Variants in KCTD16 observed in about 807,000 individuals in gnomAD.
The protein encoded by KCTD16 is potassium channel tetramerization domain containing 16.
KCTD16 carries 13 observed loss-of-function variants against 33.2 expected under a neutral mutation model. The ratio of observed to expected loss-of-function variants is 0.39; its 90% CI spans 0.25 to 0.62. KCTD16 has a LOEUF of 0.62. Among genes scored for constraint, KCTD16 ranks in the 20% least tolerant of loss-of-function variants. The pLI, the probability that KCTD16 is intolerant of heterozygous loss-of-function variation, is 0.50. For synonymous variants in KCTD16, 197 were observed against 195.3 expected (o/e 1.01, Z -0.07); for missense variants, 441 against 525.1 (o/e 0.84, Z 1.57).
chr5:144,418,552 C>A (rs4296827), intron 3 of KCTD16, among the ~76,000 whole-genome samples: 1 of 152,170 alleles, frequency 6.6e-6, no homozygotes, highest in East Asian at 1.9e-4. Context: ...AGAAGCCTAG[C>A]TGGCTTCACC....
At chr5:144,422,159 G>T (rs1753226755) in intron 3 of KCTD16, among the ~76,000 whole-genome samples, 1 of 152,152 alleles carries the variant, frequency 6.6e-6, no homozygotes, top group African/African-American at 2.4e-5. Context: ...TAAACTCTGG[G>T]CTGCTTAGTA....
chr5:144,415,343 T>C (rs1437215429), intron 3 of KCTD16, among the ~76,000 whole-genome samples: 1 of 152,078 alleles, frequency 6.6e-6, no homozygotes, highest in African/African-American at 2.4e-5. Flanking sequence ...TGGGAACACA[T>C]TTGAACCATA....
intron 3 of KCTD16, among the ~76,000 whole-genome samples, chr5:144,220,004 T>C (rs1753693755): frequency 6.6e-6 from 1 of 152,158 alleles, no homozygotes; most frequent in Admixed American, 6.5e-5. Flanking sequence ...AAAAAACATA[T>C]CACAACTCAC....
intron 3 of KCTD16, 22 bp downstream of exon 3, chr5:144,207,568 A>G (rs1292154001): frequency 6.5e-7 from 1 of 1,540,362 alleles, no homozygotes; most frequent in South Asian, 1.1e-5. Context: ...GGGTTGTTTT[A>G]ATTTTTTATG....
intron 3 of KCTD16, among the ~76,000 whole-genome samples, chr5:144,283,362 C>T (rs1300921510): frequency 6.6e-6 from 1 of 152,090 alleles, no homozygotes; most frequent in East Asian, 1.9e-4. Flanking sequence ...ACAGTTTTAG[C>T]CATAATCAGT....
chr5:144,222,842 C>T lies in KCTD16; in HGVS notation c.832+15296C>T, dbSNP rs141250282. Among the ~76,000 whole-genome samples the T allele has an allele frequency of 2.1e-4, 32 of 152,272 alleles. No homozygotes were observed. In the East Asian group the frequency reaches 4.6e-3, roughly 22 times the overall value. ...ATGCTGCTATAAAGACACATGCACA[C>T]GTATGTTTACTGCGGCGCTGTTCAC... On this transcript the variant is annotated intron_variant, in intron 3 of 3. Transcript: ENST00000512467.
chr5:144,275,986 G>C (rs1478356412), intron 3 of KCTD16, among the ~76,000 whole-genome samples: 1 of 152,144 alleles, frequency 6.6e-6, no homozygotes, highest in Non-Finnish European at 1.5e-5. Flanking sequence ...ACTTTTCAAA[G>C]TGGCCCCAGG....
At chr5:144,398,308 T>A (rs1752624829) in intron 3 of KCTD16, among the ~76,000 whole-genome samples, 1 of 152,172 alleles carries the variant, frequency 6.6e-6, no homozygotes, top group Admixed American at 6.5e-5. Context: ...TGGTAACATG[T>A]CAGGTAGTAA....
chr5:144,349,954 C>T (rs1253273843), intron 3 of KCTD16, among the ~76,000 whole-genome samples: 1 of 152,200 alleles, frequency 6.6e-6, no homozygotes, highest in Non-Finnish European at 1.5e-5. Context: ...GCAGCTTTAT[C>T]CTCTTGATGA....
At chr5:144,265,224 A>G (rs1235810478) in intron 3 of KCTD16, among the ~76,000 whole-genome samples, 4 of 152,198 alleles carry the variant, frequency 2.6e-5, no homozygotes, top group Admixed American at 2.6e-4. Context: ...ACAGAAGGAC[A>G]TTAGCATGGT....
chr5:144,338,292 T>C (rs1229445426), intron 3 of KCTD16, among the ~76,000 whole-genome samples: 1 of 152,162 alleles, frequency 6.6e-6, no homozygotes, highest in African/African-American at 2.4e-5. Context: ...GCATATTAAA[T>C]AATAGCATGC....
chr5:144,312,330 C>T (rs908845144), intron 3 of KCTD16, among the ~76,000 whole-genome samples: 2 of 152,084 alleles, frequency 1.3e-5, no homozygotes, highest in African/African-American at 4.8e-5. Flanking sequence ...TGGCATTCAT[C>T]ACTCTGATTA....
chr5:144,478,880 T>C lies in KCTD16; in HGVS notation c.*4766T>C, dbSNP rs1378927621. On this transcript the variant is annotated 3_prime_UTR_variant, in exon 4 of 4. Transcript: ENST00000512467. ...ATTCTTTGCCATTTCATCTGCTGTCTGTCAACCATAACCCTTTCTCCATAT... is the reference window on the plus strand; with the variant it reads ...ATTCTTTGCCATTTCATCTGCTGTCCGTCAACCATAACCCTTTCTCCATAT... The C allele has an allele frequency of 6.6e-6, 1 of 151,982 alleles. No homozygotes were observed. Among genetic ancestry groups the C allele is most frequent in the Non-Finnish European group, 1.5e-5 (1 of 67,916 alleles). 9.4% of individuals were successfully genotyped at this position (151,982 alleles called of 1,614,324 possible).
At chr5:144,439,360 A>G in intron 3 of KCTD16, 1 of 515,596 alleles carries the variant, frequency 1.9e-6, no homozygotes, top group Non-Finnish European at 3.8e-6. Flanking sequence ...TATGAATCTG[A>G]ATGGAGGAAT....
At chr5:144,351,989 A>G (rs1751450880) in intron 3 of KCTD16, among the ~76,000 whole-genome samples, 1 of 152,222 alleles carries the variant, frequency 6.6e-6, no homozygotes, top group African/African-American at 2.4e-5. Flanking sequence ...GTTAATCACA[A>G]CATATTGTAT....
At chr5:144,383,640 T>C (rs1229583242) in intron 3 of KCTD16, among the ~76,000 whole-genome samples, 2 of 152,112 alleles carry the variant, frequency 1.3e-5, no homozygotes, top group African/African-American at 4.8e-5. Flanking sequence ...TCAGGAGATT[T>C]TTTTTTTTCT....
At chr5:144,263,410 A>G (rs2126840907) in intron 3 of KCTD16, among the ~76,000 whole-genome samples, 1 of 152,280 alleles carries the variant, frequency 6.6e-6, no homozygotes, top group South Asian at 2.1e-4. Context: ...TAACTCCTCA[A>G]ACCTCTGCTA....
intron 3 of KCTD16, among the ~76,000 whole-genome samples, chr5:144,324,781 T>A (rs566704048): frequency 6.6e-6 from 1 of 152,228 alleles, no homozygotes; most frequent in Non-Finnish European, 1.5e-5. Context: ...TGCAGGGACA[T>A]GGATGGGGCT....
intron 3 of KCTD16, among the ~76,000 whole-genome samples, chr5:144,315,225 A>T: frequency 6.6e-6 from 1 of 152,086 alleles, no homozygotes; most frequent in East Asian, 1.9e-4. Context: ...GCACCTAAGC[A>T]CCTCTCTCAA....
Sources: allele counts gnomAD v4.1 joint callset (sites outside exome capture counted in the v4.1 genomes callset), GRCh38; gene constraint gnomAD v4.1.1; transcripts MANE v1.5; gene names NCBI Gene and HGNC (gene_info 2026-07-23, HGNC 2026-07-21).